The following NTM variants were observed in gnomAD, a reference collection of about 807,000 sequenced individuals.
NTM encodes neurotrimin, also known as IgLON family member 2.
A neutral mutation model predicts 42.1 loss-of-function variants in NTM; 13 were observed. The ratio of observed to expected loss-of-function variants is 0.31; its 90% CI spans 0.20 to 0.49. The LOEUF (loss-of-function observed/expected upper bound fraction) is 0.49, where lower values mean the gene tolerates loss of function less well. Among genes scored for constraint, NTM ranks in the 20% least tolerant of loss-of-function variants. NTM has a pLI of 0.99. For missense variants in NTM, 373 were observed against 452.8 expected (o/e 0.82, Z 1.60); for synonymous variants, 187 against 179.2 (o/e 1.04, Z -0.35).
At chr11:131,907,475 G>A (rs2054031896) in intron 1 of NTM, among the ~76,000 whole-genome samples, 1 of 152,182 alleles carries the variant, frequency 6.6e-6, no homozygotes, top group Non-Finnish European at 1.5e-5. Flanking sequence ...GTTTCCTTTT[G>A]CTCAGGGAGT....
intron 1 of NTM, among the ~76,000 whole-genome samples, chr11:131,408,365 T>C (rs1369789232): frequency 6.6e-6 from 1 of 152,198 alleles, no homozygotes; most frequent in Non-Finnish European, 1.5e-5. Flanking sequence ...CCTTGGACTT[T>C]TGAAGAGGAA....
intron 1 of NTM, among the ~76,000 whole-genome samples, chr11:131,859,410 G>C (rs2046405854): frequency 1.3e-5 from 2 of 152,184 alleles, no homozygotes. Context: ...TGGGAATCCA[G>C]GTGTCTCAAG....
At chr11:131,392,411 G>A (rs111859105) in intron 1 of NTM, among the ~76,000 whole-genome samples, 2,209 of 151,434 alleles carry the variant, frequency 0.015, 46 homozygotes, top group Non-Finnish European at 0.019. Context: ...TAGAGCCCCT[G>A]AAGGGATGGG....
intron 2 of NTM, among the ~76,000 whole-genome samples, chr11:132,095,317 T>G (rs1410696508): frequency 3.9e-5 from 6 of 152,118 alleles, no homozygotes; most frequent in Admixed American, 3.9e-4. Context: ...GCCAGAGCAT[T>G]AACATCTTGA....
intron 2 of NTM, among the ~76,000 whole-genome samples, chr11:132,080,276 T>G (rs1210755420): frequency 6.6e-6 from 1 of 152,218 alleles, no homozygotes; most frequent in Non-Finnish European, 1.5e-5. Context: ...TCTTTTAATT[T>G]GCCAAGTGAC....
chr11:131,671,805 G>A (rs1424236213), intron 1 of NTM, among the ~76,000 whole-genome samples: 1 of 152,206 alleles, frequency 6.6e-6, no homozygotes, highest in African/African-American at 2.4e-5. Context: ...TAATGACCTG[G>A]ACGCTGGTGG....
chr11:132,081,782 G>A (rs1328584378), intron 2 of NTM, among the ~76,000 whole-genome samples: 1 of 151,230 alleles, frequency 6.6e-6, no homozygotes, highest in Non-Finnish European at 1.5e-5. Context: ...ACACTTGTAT[G>A]AAGTAATAGC....
intron 2 of NTM, among the ~76,000 whole-genome samples, chr11:132,028,394 G>A (rs564420711): frequency 1.3e-5 from 2 of 151,960 alleles, no homozygotes; most frequent in Non-Finnish European, 2.9e-5. Context: ...TGTAATTATT[G>A]CTTGTTGTAA....
intron 1 of NTM, among the ~76,000 whole-genome samples, chr11:131,640,840 G>A (rs569168979): frequency 6.6e-5 from 10 of 152,252 alleles, no homozygotes; most frequent in African/African-American, 2.2e-4. Flanking sequence ...TGTATCTGGC[G>A]CACAGTGTCT....
intron 1 of NTM, among the ~76,000 whole-genome samples, chr11:131,410,354 T>G (rs1354109312): frequency 1.3e-5 from 2 of 151,514 alleles, no homozygotes; most frequent in Non-Finnish European, 2.9e-5. Context: ...GGCCTGGTGG[T>G]GCATACCCGT....
intron 1 of NTM, among the ~76,000 whole-genome samples, chr11:131,403,774 G>C (rs1022477243): frequency 6.6e-6 from 1 of 152,134 alleles, no homozygotes; most frequent in African/African-American, 2.4e-5. Context: ...GAAAACAGAA[G>C]CAATCAGGAA....
intron 4 of NTM, among the ~76,000 whole-genome samples, chr11:132,236,154 A>G (rs2088840107): frequency 6.6e-6 from 1 of 152,150 alleles, no homozygotes; most frequent in African/African-American, 2.4e-5. Flanking sequence ...ACTTTTCTGG[A>G]GCATTTATTC....
At chr11:131,431,270 T>C (rs1280766114) in intron 1 of NTM, among the ~76,000 whole-genome samples, 1 of 152,068 alleles carries the variant, frequency 6.6e-6, no homozygotes, top group Admixed American at 6.5e-5. Flanking sequence ...GGGGAAGGTA[T>C]TTGACATTGT....
In NTM at chr11:131,915,133, A is replaced by G. The variant is rs116555284; in HGVS notation, c.167+3485A>G. 7.9e-3 allele frequency among the ~76,000 whole-genome samples: 1,201 copies of G among 152,300 alleles called. 12 individuals carry two copies. The highest frequency in any genetic ancestry group is 0.028 in the African/African-American group (1,159 of 41,548). On this transcript the variant is annotated intron_variant, in intron 2 of 8. Coordinates refer to ENST00000683400, the MANE Select transcript of NTM (RefSeq NM_001352005.2). ...TACTCCTCACACCTCTCTGAAATAG[A>G]CAATTATTCCCGGTTAAGGCCTAGA... is the stretch of plus-strand genomic sequence containing the variant.
At chr11:131,636,776 G>A (rs1417327210) in intron 1 of NTM, among the ~76,000 whole-genome samples, 3 of 152,160 alleles carry the variant, frequency 2.0e-5, no homozygotes, top group East Asian at 1.9e-4. Context: ...ACATTCCCAC[G>A]TAAAATAGAG....
intron 4 of NTM, among the ~76,000 whole-genome samples, chr11:132,273,518 A>C (rs962593163): frequency 2.0e-5 from 3 of 151,888 alleles, no homozygotes; most frequent in Non-Finnish European, 4.4e-5. Flanking sequence ...ATATTTTGTG[A>C]CTTTACCAGT....
At chr11:131,458,726 TCAGGCCACCCATTCCCA>T in intron 1 of NTM, among the ~76,000 whole-genome samples, 1 of 152,356 alleles carries the variant, frequency 6.6e-6, no homozygotes, top group South Asian at 2.1e-4. Context: ...GTTACCAATC[TCAGGCCACCCATTCCCA>T]GGGCTGTCTA....
chr11:132,316,667 G>C (rs2095437756), intron 7 of NTM, among the ~76,000 whole-genome samples: 1 of 152,154 alleles, frequency 6.6e-6, no homozygotes, highest in South Asian at 2.1e-4. Context: ...GTTAGCTTCA[G>C]TTGAGAGATC....
At chr11:131,547,431 G>C (rs1027753205) in intron 1 of NTM, among the ~76,000 whole-genome samples, 1 of 152,210 alleles carries the variant, frequency 6.6e-6, no homozygotes, top group African/African-American at 2.4e-5. Context: ...GTCTTGCACG[G>C]GAAGAGACTT....
Sources: gnomAD v4.1 joint callset for allele counts (sites outside exome capture counted in the v4.1 genomes callset) on GRCh38, gnomAD v4.1.1 for gene constraint, MANE v1.5 for transcripts, NCBI Gene and HGNC (gene_info 2026-07-23, HGNC 2026-07-21) for gene names.